Variants in PRKAR1A observed in about 807,000 individuals in gnomAD.
PRKAR1A encodes protein kinase cAMP-dependent type I regulatory subunit alpha, also known as cAMP-dependent protein kinase type I-alpha regulatory subunit.
PRKAR1A carries 3 observed loss-of-function variants against 52.0 expected under a neutral mutation model. The ratio of observed to expected loss-of-function variants is 0.06; its 90% CI spans 0.03 to 0.15. PRKAR1A has a LOEUF of 0.15. PRKAR1A is among the 10% of genes least tolerant of loss of function. The probability of loss-of-function intolerance (pLI) is 1.00; values close to 1 mark genes in which losing one functional copy is unlikely to be tolerated. For missense variants in PRKAR1A, 240 were observed against 477.4 expected, an observed-to-expected ratio of 0.50 and a Z score of 4.63; for synonymous variants, 188 against 168.4, an observed-to-expected ratio of 1.12 and a Z score of -0.90.
chr17:68,528,661 C>T (rs151060217), intron 8 of PRKAR1A: 1,110 of 617,248 alleles, frequency 1.8e-3, no homozygotes, highest in Non-Finnish European at 2.8e-3. Context: ...CACTGGGCTA[C>T]CGAAGTAAGG....
At chr17:68,434,855 C>CGTGTATGTGTGT in the PRKAR1A span, among the ~76,000 whole-genome samples, 740 of 152,236 alleles carry the variant, frequency 4.9e-3, 13 homozygotes, top group African/African-American at 0.017. Context: ...CAAGGCTCTG[C>CGTGTATGTGTGT]GTGTATGTGT....
chr17:68,533,365 A>T lies in PRKAR1A; in HGVS notation c.*2916A>T. ...CATGTGTACCTTTTCTAGATTCAGT[A>T]ATCCCTTCCCCCCGTCCTCTGGAGT... On this transcript the variant is annotated 3_prime_UTR_variant, in exon 11 of 11. Transcript: ENST00000589228. 1 of 1,062,490 alleles carries T rather than the reference A, an allele frequency of 9.4e-7. No individual in the cohort carries two copies. Among genetic ancestry groups the T allele is most frequent in the Non-Finnish European group, 1.1e-6 (1 of 877,414 alleles). 65.8% of individuals were successfully genotyped at this position (1,062,490 alleles called of 1,614,324 possible).
chr17:68,470,971 G>A, the PRKAR1A span, among the ~76,000 whole-genome samples: 1 of 152,140 alleles, frequency 6.6e-6, no homozygotes, highest in African/African-American at 2.4e-5. Flanking sequence ...CACAAAATGG[G>A]AGGGAAAAAC....
chr17:68,440,156 G>A, the PRKAR1A span, among the ~76,000 whole-genome samples: 1 of 152,114 alleles, frequency 6.6e-6, no homozygotes, highest in Non-Finnish European at 1.5e-5. Flanking sequence ...TTGCCTCCAG[G>A]CTCGCACCTC....
At chr17:68,463,453 T>A in the PRKAR1A span, among the ~76,000 whole-genome samples, 1 of 152,242 alleles carries the variant, frequency 6.6e-6, no homozygotes, top group African/African-American at 2.4e-5. Context: ...TGTGTGCCGG[T>A]CATGGCTCCA....
chr17:68,524,117 G>A (rs377246761), intron 5 of PRKAR1A, 40 bp downstream of exon 5: 1 of 1,603,100 alleles, frequency 6.2e-7, no homozygotes, highest in African/African-American at 1.3e-5. Flanking sequence ...TACGGGAGAG[G>A]AGGCGAGACT....
intron 10 of PRKAR1A, 73 bp downstream of exon 10, chr17:68,530,074 C>T: frequency 6.4e-7 from 1 of 1,550,396 alleles, no homozygotes; most frequent in Non-Finnish European, 8.9e-7. Flanking sequence ...TGTAGTCTTC[C>T]ATAATTTTGT....
the PRKAR1A span, among the ~76,000 whole-genome samples, chr17:68,442,003 T>C: frequency 6.6e-6 from 1 of 152,182 alleles, no homozygotes; most frequent in South Asian, 2.1e-4. Flanking sequence ...TCATTTTTCT[T>C]GAGATAAAAT....
chr17:68,518,450 A>G (rs1219230758), intron 2 of PRKAR1A, among the ~76,000 whole-genome samples: 4 of 152,224 alleles, frequency 2.6e-5, no homozygotes, highest in Admixed American at 2.0e-4. Flanking sequence ...CTGTGCACCC[A>G]CAGGCCCAGC....
At chr17:68,472,764 A>G in the PRKAR1A span, among the ~76,000 whole-genome samples, 3 of 151,364 alleles carry the variant, frequency 2.0e-5, no homozygotes, top group Non-Finnish European at 4.4e-5. Flanking sequence ...TGGCCAACAT[A>G]GTGAAATCCT....
chr17:68,425,827 CA>C, the PRKAR1A span: 6 of 415,930 alleles, frequency 1.4e-5, no homozygotes, highest in Non-Finnish European at 2.6e-5. Flanking sequence ...GGGAGGCCAC[CA>C]AGACTCCCTG....
intron 11 of PRKAR1A, chr17:68,543,491 C>A (rs921372036): frequency 1.4e-6 from 1 of 736,846 alleles, no homozygotes; most frequent in Non-Finnish European, 2.4e-6. Flanking sequence ...TTCAAAGACA[C>A]CACGATGAGG....
At chr17:68,419,608 A>G in the PRKAR1A span, among the ~76,000 whole-genome samples, 6 of 152,104 alleles carry the variant, frequency 3.9e-5, no homozygotes, top group Admixed American at 6.5e-5. Context: ...TTTTGTGTCA[A>G]TAAAGATACT....
At chr17:68,444,291 A>C in the PRKAR1A span, among the ~76,000 whole-genome samples, 5,505 of 152,310 alleles carry the variant, frequency 0.036, 341 homozygotes, top group African/African-American at 0.13. Context: ...ACTGCAATGA[A>C]GGGCACACAG....
chr17:68,469,614 TC>T, the PRKAR1A span, among the ~76,000 whole-genome samples: 5 of 151,870 alleles, frequency 3.3e-5, no homozygotes, highest in African/African-American at 1.2e-4. Context: ...TTTTTTTTTT[TC>T]CCTCTCTTGA....
chr17:68,457,264 A>G, the PRKAR1A span: 35 of 1,497,686 alleles, frequency 2.3e-5, no homozygotes, highest in Non-Finnish European at 3.1e-5. Flanking sequence ...GGAAGCCACA[A>G]GCTGCTCTCA....
At chr17:68,439,084 A>G in the PRKAR1A span, among the ~76,000 whole-genome samples, 1 of 152,208 alleles carries the variant, frequency 6.6e-6, no homozygotes, top group Non-Finnish European at 1.5e-5. Flanking sequence ...GCAGTTCTTC[A>G]AAAGCTAAAC....
chr17:68,469,821 A>G, the PRKAR1A span, among the ~76,000 whole-genome samples: 3 of 152,200 alleles, frequency 2.0e-5, no homozygotes, highest in Non-Finnish European at 2.9e-5. Flanking sequence ...ATATTTATTA[A>G]TGCATTAAAG....
the PRKAR1A span, among the ~76,000 whole-genome samples, chr17:68,478,558 G>A: frequency 2.0e-5 from 3 of 152,148 alleles, no homozygotes; most frequent in Non-Finnish European, 4.4e-5. Flanking sequence ...GTTGATGAAA[G>A]TTTGTATTGC....
Sources: gnomAD v4.1 joint callset for allele counts (sites outside exome capture counted in the v4.1 genomes callset) on GRCh38, gnomAD v4.1.1 for gene constraint, MANE v1.5 for transcripts, NCBI Gene and HGNC (gene_info 2026-07-23, HGNC 2026-07-21) for gene names.